POLR1A: variants seen among roughly 807,000 people sequenced by gnomAD.
POLR1A encodes the protein RNA polymerase I subunit A.
POLR1A carries 84 observed loss-of-function variants against 205.3 expected under a neutral mutation model. The ratio of observed to expected loss-of-function variants is 0.41; its 90% CI spans 0.34 to 0.49. The LOEUF is 0.49. Ranked by LOEUF, POLR1A falls within the 20% of genes least tolerant of loss-of-function variation. The probability of loss-of-function intolerance (pLI) is 0.22; values close to 1 mark genes in which losing one functional copy is unlikely to be tolerated. For synonymous variants in POLR1A, 799 were observed against 863.7 expected (o/e 0.93, Z 1.31); for missense variants, 1,645 against 2,204.5 (o/e 0.75, Z 5.08).
intron 23 of POLR1A, among the ~76,000 whole-genome samples, chr2:86,042,767 C>T (rs1672636618): frequency 6.8e-6 from 1 of 146,016 alleles, no homozygotes; most frequent in Non-Finnish European, 1.5e-5. Flanking sequence ...AGTCACAGGC[C>T]CCAGTTAGTC....
chr2:86,042,987 G>A lies in POLR1A; in HGVS notation c.3344C>T (p.Pro1115Leu). The A allele has an allele frequency of 6.2e-7, 1 of 1,613,670 alleles. No homozygotes were observed. Among genetic ancestry groups the A allele is most frequent in the Non-Finnish European group, 8.5e-7 (1 of 1,179,634 alleles). Residue 1115 changes from proline (P) to leucine (L), a missense_variant, in exon 23 of 34, where the codon CCT (proline) becomes CTT (leucine). By Grantham distance (98) the Pro-to-Leu change is moderately conservative (BLOSUM62 -3). Around this residue, in one of 16 missense-constraint regions of POLR1A, gnomAD observed 201 missense variants for 222.3 expected, o/e 0.90. Transcript: ENST00000263857. ...TCCCTGCATCACCTCCTGAGTCCCA[G>A]GGCTGCGGCCATTGCGGTTTTCACT... ...LESENRNGRS[P>L]GTQEMLRMWY...
At chr2:86,030,468 C>G (rs1176364142) in intron 30 of POLR1A, 72 bp from the exon 31 acceptor site, 3 of 1,101,730 alleles carry the variant, frequency 2.7e-6, no homozygotes, top group Non-Finnish European at 4.1e-6. Flanking sequence ...AGGCGAGACT[C>G]CTTCAAAACC....
chr2:86,037,743 A>G (rs1297292357), intron 27 of POLR1A, among the ~76,000 whole-genome samples: 1 of 152,268 alleles, frequency 6.6e-6, no homozygotes, highest in Non-Finnish European at 1.5e-5. Flanking sequence ...CTGATGTTTA[A>G]AAGTCAGGAG....
Position 86,031,233 on chromosome 2 carries a change from GC to G in POLR1A, c.4578+96del, listed in dbSNP as rs535849283. ...CCATGGGGAATGTTGGCTGCCCCCT[GC>G]CCAGCTGTGCAGGGGAGCTCAGCAG... On this transcript the variant is annotated intron_variant, in intron 30 of 33. Transcript: ENST00000263857. The G allele has an allele frequency of 1.6e-4, 227 of 1,457,326 alleles. 1 individual carries two copies. In the African/African-American group the frequency reaches 2.8e-3, roughly 18 times the overall value. 90.3% of individuals were successfully genotyped at this position (1,457,326 alleles called of 1,614,324 possible).
At chr2:86,080,311 CCTATT>C (rs1218439265) in intron 9 of POLR1A, among the ~76,000 whole-genome samples, 2 of 152,118 alleles carry the variant, frequency 1.3e-5, no homozygotes, top group African/African-American at 4.8e-5. Flanking sequence ...TTGAAACTGT[CCTATT>C]CTGAGAGGAA....
At chr2:86,099,159 G>A (rs920826670) in intron 2 of POLR1A, among the ~76,000 whole-genome samples, 3 of 152,010 alleles carry the variant, frequency 2.0e-5, no homozygotes, top group Non-Finnish European at 2.9e-5. Context: ...AGACCAGCCT[G>A]GCCAACATGA....
chr2:86,084,665 C>CTTT lies in POLR1A; in HGVS notation c.731-1500_731-1498dup, dbSNP rs546893329. 7.1e-5 allele frequency among the ~76,000 whole-genome samples: 9 copies of CTTT among 127,620 alleles called. No individual in the cohort carries two copies. In the Admixed American group the frequency reaches 7.4e-4, roughly 11 times the overall value. The allele number at this position is 127,620 out of a possible 152,430, so 83.7% of individuals were successfully genotyped here. ...TTAAAAACACCACTCTTGCCTTTTCCTTTTTTTTTTTTTTTTTTTCAAGAC... is the reference window on the plus strand; with the variant it reads ...TTAAAAACACCACTCTTGCCTTTTCCTTTTTTTTTTTTTTTTTTTTTTCAAGAC... On this transcript the variant is annotated intron_variant, in intron 6 of 33. Coordinates refer to ENST00000263857, the MANE Select transcript of POLR1A (RefSeq NM_015425.6).
chr2:86,064,370 C>G (rs1673050047), intron 14 of POLR1A, among the ~76,000 whole-genome samples: 1 of 152,132 alleles, frequency 6.6e-6, no homozygotes, highest in African/African-American at 2.4e-5. Flanking sequence ...ATCCTTAAGG[C>G]TGAACTTGGA....
chr2:86,032,529 C>A, intron 28 of POLR1A, 147 bp from the exon 29 acceptor site: 1 of 656,238 alleles, frequency 1.5e-6, no homozygotes, highest in South Asian at 1.7e-5. Context: ...CCATCCACTG[C>A]CACCCAACCC....
chr2:86,049,093 G>T, intron 17 of POLR1A, 51 bp from the exon 18 acceptor site: 1 of 1,612,584 alleles, frequency 6.2e-7, no homozygotes, highest in Non-Finnish European at 8.5e-7. Flanking sequence ...CGACGAGAGT[G>T]TGGGTTTTGA....
At chr2:86,051,466 G>A (rs1026710972) in intron 16 of POLR1A, among the ~76,000 whole-genome samples, 10 of 152,064 alleles carry the variant, frequency 6.6e-5, no homozygotes, top group Non-Finnish European at 1.5e-4. Flanking sequence ...ACAAACTCCA[G>A]CTGCAGCAGC....
At chr2:86,076,226 G>A (rs1486511763) in intron 11 of POLR1A, among the ~76,000 whole-genome samples, 14 of 152,182 alleles carry the variant, frequency 9.2e-5, no homozygotes, top group Admixed American at 9.2e-4. Context: ...GAGGCTCTGA[G>A]ATGTCCTACA....
chr2:86,054,925 C>T (rs1672871501), intron 14 of POLR1A, among the ~76,000 whole-genome samples: 1 of 152,226 alleles, frequency 6.6e-6, no homozygotes, highest in Non-Finnish European at 1.5e-5. Flanking sequence ...GCAGGTGTGA[C>T]AGGCTCCAGG....
rs1397017405 is a variant in POLR1A at position 86,020,549 on chromosome 2, A to G, written c.*6874T>C. 1 of 109,524 alleles carries G rather than the reference A, an allele frequency of 9.1e-6. No homozygotes were observed. The allele number at this position is 109,524 out of a possible 1,614,324, so 6.8% of individuals were successfully genotyped here. On this transcript the variant is annotated 3_prime_UTR_variant, in exon 34 of 34. Transcript: ENST00000263857. ...GGCAACAGAGTGAGACCCCGTCTCA[A>G]AAAAAAAAAAAAAAAAAAAAAGATG...
chr2:86,083,030 G>C, intron 7 of POLR1A, 52 bp downstream of exon 7: 1 of 1,333,952 alleles, frequency 7.5e-7, no homozygotes, highest in Non-Finnish European at 1.1e-6. Flanking sequence ...ATGAGTCCAG[G>C]AAATAAAAGC....
At chr2:86,035,983 C>G (rs1672486335) in intron 27 of POLR1A, among the ~76,000 whole-genome samples, 1 of 152,168 alleles carries the variant, frequency 6.6e-6, no homozygotes, top group African/African-American at 2.4e-5. Context: ...TATGGTTTTG[C>G]CAAGAGCAGG....
chr2:86,054,500 G>C (rs925373882), intron 14 of POLR1A, among the ~76,000 whole-genome samples: 1 of 152,054 alleles, frequency 6.6e-6, no homozygotes, highest in African/African-American at 2.4e-5. Context: ...AAACCAATGA[G>C]GAATGAAAAC....
At chr2:86,039,242 G>A (rs895476681) in intron 26 of POLR1A, 85 bp downstream of exon 26, 1 of 1,456,800 alleles carries the variant, frequency 6.9e-7, no homozygotes, top group East Asian at 2.3e-5. Context: ...GGTCAGAGCA[G>A]TAAGCAAAGC....
rs759002063 is a variant in POLR1A, at chr2:86,075,116, C to A, written c.1525G>T (p.Ala509Ser). 1.2e-6 allele frequency: 2 copies of A among 1,613,290 alleles called. No individual in the cohort carries two copies. Among genetic ancestry groups the A allele is most frequent in the East Asian group, 4.5e-5 (2 of 44,874 alleles). Reference protein sequence around the residue: ...NEDGSRTALSAVDMTQREAVA... With the variant: ...NEDGSRTALSSVDMTQREAVA... Reference sequence around the variant, plus strand: ...GCCTCTCGCTGGGTCATGTCCACAGCGCTCAGGGCTGTGCGGCTGCCGTCC... The same window carrying A: ...GCCTCTCGCTGGGTCATGTCCACAGAGCTCAGGGCTGTGCGGCTGCCGTCC... The change falls in exon 12 of 34, where the codon GCT (alanine) becomes TCT (serine). Residue 509 changes from alanine to serine, a missense_variant. By Grantham distance (99) the Ala-to-Ser change is moderately conservative. Transcript: ENST00000263857.
Sources: gnomAD v4.1 joint callset for allele counts (sites outside exome capture counted in the v4.1 genomes callset) on GRCh38, gnomAD v4.1.1 for gene constraint, gnomAD v4.1.1 regional missense constraint, MANE v1.5 for transcripts, NCBI Gene and HGNC (gene_info 2026-07-23, HGNC 2026-07-21) for gene names.